The following CDH13 variants were observed in gnomAD, a reference collection of about 807,000 sequenced individuals.
CDH13 encodes cadherin-13.
CDH13 carries 24 observed loss-of-function variants against 63.8 expected under a neutral mutation model. The observed-to-expected ratio is 0.38, with a 90% CI of 0.27 to 0.53. The LOEUF is 0.53. Ranked by LOEUF, CDH13 falls within the 20% of genes least tolerant of loss-of-function variation. The pLI, the probability that CDH13 is intolerant of heterozygous loss-of-function variation, is 0.85. For synonymous variants in CDH13, 503 were observed against 355.3 expected, an observed-to-expected ratio of 1.42 and a Z score of -4.67; for missense variants, 1,049 against 903.1, an observed-to-expected ratio of 1.16 and a Z score of -2.07.
chr16:83,495,290 G>C (rs73603878), intron 7 of CDH13, among the ~76,000 whole-genome samples: 1,738 of 152,284 alleles, frequency 0.011, 29 homozygotes, highest in African/African-American at 0.04. Flanking sequence ...AACTGGAGGA[G>C]GGTGTGTTTC....
At chr16:83,465,011 T>C (rs2073273543) in intron 6 of CDH13, among the ~76,000 whole-genome samples, 1 of 152,198 alleles carries the variant, frequency 6.6e-6, no homozygotes, top group Admixed American at 6.5e-5. Context: ...TTCAGAACCA[T>C]TGAATTGGAT....
intron 1 of CDH13, among the ~76,000 whole-genome samples, chr16:82,695,696 A>G (rs1381024116): frequency 6.6e-6 from 1 of 152,206 alleles, no homozygotes; most frequent in Non-Finnish European, 1.5e-5. Flanking sequence ...TGAAAGAGAC[A>G]TGATTGTTAG....
intron 6 of CDH13, among the ~76,000 whole-genome samples, chr16:83,409,393 G>T (rs183007751): frequency 1.5e-3 from 229 of 152,254 alleles, no homozygotes; most frequent in Non-Finnish European, 2.4e-3. Context: ...GCAGCGACAC[G>T]GGGCAATGGT....
At chr16:82,788,382 T>G (rs1473643354) in intron 1 of CDH13, among the ~76,000 whole-genome samples, 1 of 152,180 alleles carries the variant, frequency 6.6e-6, no homozygotes, top group African/African-American at 2.4e-5. Context: ...GCAGGCCTCC[T>G]GGACGACCGC....
intron 2 of CDH13, among the ~76,000 whole-genome samples, chr16:82,971,523 G>T (rs1462448935): frequency 6.6e-6 from 1 of 152,194 alleles, no homozygotes. Context: ...GTGCATCGAA[G>T]AATAGGCATC....
At chr16:83,254,597 T>G (rs1905982821) in intron 5 of CDH13, among the ~76,000 whole-genome samples, 1 of 152,214 alleles carries the variant, frequency 6.6e-6, no homozygotes, top group Non-Finnish European at 1.5e-5. Flanking sequence ...CTGATCCTTG[T>G]TTTTATCTGC....
intron 4 of CDH13, among the ~76,000 whole-genome samples, chr16:83,144,662 C>T (rs1567873737): frequency 6.6e-6 from 1 of 152,200 alleles, no homozygotes. Flanking sequence ...ATATTCAGAC[C>T]AGCTATCTCT....
intron 2 of CDH13, among the ~76,000 whole-genome samples, chr16:82,941,249 G>A (rs1444190717): frequency 5.3e-5 from 8 of 152,130 alleles, no homozygotes; most frequent in Non-Finnish European, 1.2e-4. Flanking sequence ...AGAATTTTAG[G>A]TTTTAGTTGG....
At position 82,716,392 on chromosome 16, in the gene CDH13, T is replaced by C. The variant is rs554906488; in HGVS notation, c.45+89255T>C. Among the ~76,000 whole-genome samples, 3 of 151,756 alleles carry C rather than the reference T, an allele frequency of 2.0e-5. No individual in the cohort carries two copies. In the East Asian group the frequency reaches 5.8e-4, roughly 29 times the overall value. ...GATCCAAATTAGAGATGGCTTCAGG[T>C]TCTGACGGATTCATCTCTCCCAATT... On this transcript the variant is annotated intron_variant, in intron 1 of 13. Transcript: ENST00000567109.
intron 1 of CDH13, among the ~76,000 whole-genome samples, chr16:82,749,696 A>G (rs146303143): frequency 1.2e-3 from 181 of 152,188 alleles, no homozygotes; most frequent in African/African-American, 4.2e-3. Context: ...CTTAAACTTA[A>G]CGTATTATAA....
intron 1 of CDH13, among the ~76,000 whole-genome samples, chr16:82,714,165 C>T (rs757102218): frequency 1.2e-4 from 19 of 152,160 alleles, no homozygotes; most frequent in East Asian, 3.9e-4. Context: ...GACACTCATA[C>T]GTCCATAAAG....
At chr16:83,231,614 C>T (rs1270866126) in intron 5 of CDH13, among the ~76,000 whole-genome samples, 1 of 152,102 alleles carries the variant, frequency 6.6e-6, no homozygotes, top group Non-Finnish European at 1.5e-5. Flanking sequence ...AGGCCCACTC[C>T]ATTTTCACCC....
intron 8 of CDH13, among the ~76,000 whole-genome samples, chr16:83,627,046 G>A (rs892304379): frequency 4.6e-5 from 7 of 151,734 alleles, no homozygotes; most frequent in Non-Finnish European, 2.9e-5. Flanking sequence ...ATTTTGGGAG[G>A]CCAAGGCCGA....
rs571551544 is a variant in CDH13, at chr16:83,584,781, G to T, written c.961-17673G>T. On this transcript the variant is annotated intron_variant, in intron 7 of 13. Transcript: ENST00000567109. ...GTTTAATTGGCCCATGGTTCTGCAG[G>T]TTGTACAGGAAGCATGGTGCCAGGC... Among the ~76,000 whole-genome samples, 15 of 152,294 alleles carry T rather than the reference G, an allele frequency of 9.8e-5. No homozygotes were observed. In the South Asian group the frequency reaches 2.9e-3, roughly 29 times the overall value.
intron 7 of CDH13, among the ~76,000 whole-genome samples, chr16:83,531,149 G>T (rs2075074872): frequency 6.6e-6 from 1 of 152,134 alleles, no homozygotes; most frequent in Admixed American, 6.5e-5. Flanking sequence ...CCTCTTCTGG[G>T]TAACACCTAT....
intron 7 of CDH13, among the ~76,000 whole-genome samples, chr16:83,512,321 A>AAAATAAAT (rs200161148): frequency 0.06 from 7,621 of 126,800 alleles, 279 homozygotes; most frequent in Admixed American, 0.07. Flanking sequence ...ACTCCGTCTC[A>AAAATAAAT]AAATAAATAA....
At chr16:82,815,627 G>A (rs867931461) in intron 1 of CDH13, among the ~76,000 whole-genome samples, 8 of 152,138 alleles carry the variant, frequency 5.3e-5, no homozygotes, top group South Asian at 4.1e-4. Context: ...TCAAAATGCT[G>A]GTGGATGCTG....
At chr16:83,382,537 G>A (rs1368863707) in intron 6 of CDH13, among the ~76,000 whole-genome samples, 1 of 151,890 alleles carries the variant, frequency 6.6e-6, no homozygotes, top group African/African-American at 2.4e-5. Flanking sequence ...CATCATATCT[G>A]CCTCCCCAAG....
Position 83,234,159 on chromosome 16 carries a change from G to A in CDH13, c.636+16662G>A, listed in dbSNP as rs79742691. The stretch of plus-strand genomic sequence containing the variant: ...TGCTCTGAAAGCTCATAGGCAGTGT[G>A]TGGCAACACTGGTGTCTCTGATAGG... On this transcript the variant is annotated intron_variant, in intron 5 of 13. Transcript: ENST00000567109. Among the ~76,000 whole-genome samples the A allele has an allele frequency of 6.5e-3, 984 of 152,360 alleles. 5 individuals are homozygous for A. The highest frequency in any genetic ancestry group is 7.6e-3 in the Non-Finnish European group (514 of 68,036).
Sources: gnomAD v4.1 joint callset for allele counts (sites outside exome capture counted in the v4.1 genomes callset) on GRCh38, gnomAD v4.1.1 for gene constraint, MANE v1.5 for transcripts, NCBI Gene and HGNC (gene_info 2026-07-23, HGNC 2026-07-21) for gene names.